The following HDAC9 variants were observed in gnomAD, a reference collection of about 807,000 sequenced individuals.
The protein encoded by HDAC9 is histone deacetylase 9, also known as MEF-2 interacting transcription repressor (MITR) protein.
Under a neutral mutation model 139.4 loss-of-function variants are expected in HDAC9, and 41 were observed. The observed-to-expected ratio is 0.29, with a 90% CI of 0.23 to 0.38. HDAC9 has a LOEUF of 0.38. Among genes scored for constraint, HDAC9 ranks in the 10% least tolerant of loss-of-function variants. The probability of loss-of-function intolerance (pLI) is 1.00; values close to 1 mark genes in which losing one functional copy is unlikely to be tolerated. For synonymous variants in HDAC9, 517 were observed against 476.2 expected (o/e 1.09, Z -1.12); for missense variants, 1,147 against 1,297.0 (o/e 0.88, Z 1.78).
chr7:18,778,195 GA>G (rs1442855653), intron 16 of HDAC9, among the ~76,000 whole-genome samples: 3 of 151,706 alleles, frequency 2.0e-5, no homozygotes, highest in East Asian at 1.9e-4. Flanking sequence ...CTAGCCGTAA[GA>G]AAAAAACAAT....
At chr7:18,979,718 T>C (rs1328310450) in intron 25 of HDAC9, among the ~76,000 whole-genome samples, 2 of 152,028 alleles carry the variant, frequency 1.3e-5, no homozygotes, top group African/African-American at 4.8e-5. Context: ...AGGAAGGTGA[T>C]TGGGGAGCGG....
At chr7:18,507,490 G>C (rs1386301261) in intron 2 of HDAC9, among the ~76,000 whole-genome samples, 1 of 150,886 alleles carries the variant, frequency 6.6e-6, no homozygotes, top group Non-Finnish European at 1.5e-5. Context: ...ACCGCACCCG[G>C]CTATTATTAT....
At chr7:18,972,384 T>C (rs11767937) in intron 24 of HDAC9, among the ~76,000 whole-genome samples, 3 of 142,634 alleles carry the variant, frequency 2.1e-5, no homozygotes, top group African/African-American at 7.7e-5. Flanking sequence ...TTTTTTTTTT[T>C]TTTTTTTTTT....
intron 25 of HDAC9, among the ~76,000 whole-genome samples, chr7:18,981,113 C>G (rs147992920): frequency 6.6e-6 from 1 of 152,018 alleles, no homozygotes; most frequent in African/African-American, 2.4e-5. Context: ...TGTGAGCCAC[C>G]GTGCCCGGCC....
At chr7:18,602,735 A>G (rs946920625) in intron 6 of HDAC9, among the ~76,000 whole-genome samples, 10 of 151,946 alleles carry the variant, frequency 6.6e-5, no homozygotes, top group African/African-American at 1.9e-4. Context: ...TTTAATTTCT[A>G]ATTACTTGAG....
At position 18,329,555 on chromosome 7, in the gene HDAC9, C is replaced by CA. The variant is rs58319995; in HGVS notation, c.-42+39054dup. On this transcript the variant is annotated intron_variant, in intron 1 of 3. Transcript: ENST00000413509. ...GTAAACAAAAGAAATGTCATCTCTC[C>CA]AAAAAAAAAAAAAACAGTGAATGGA... Among the ~76,000 whole-genome samples the CA allele has an allele frequency of 6.5e-3, 755 of 115,322 alleles. 4 individuals carry two copies. Among genetic ancestry groups the CA allele is most frequent in the Middle Eastern group, 0.014 (3 of 208 alleles). 75.7% of individuals were successfully genotyped at this position (115,322 alleles called of 152,430 possible).
intron 2 of HDAC9, among the ~76,000 whole-genome samples, chr7:18,178,655 C>T (rs1178344): frequency 1.3e-5 from 2 of 151,892 alleles, no homozygotes; most frequent in Non-Finnish European, 2.9e-5. Flanking sequence ...GAAAGAGTGA[C>T]ATGATTTTTA....
intron 22 of HDAC9, among the ~76,000 whole-genome samples, chr7:18,928,240 A>G (rs1018807686): frequency 1.2e-4 from 18 of 152,218 alleles, no homozygotes; most frequent in African/African-American, 3.1e-4. Context: ...CAATTTTGTA[A>G]TAGAAACAGA....
At chr7:18,574,964 C>A (rs78530382) in intron 2 of HDAC9, among the ~76,000 whole-genome samples, 33,669 of 152,182 alleles carry the variant, frequency 0.22, 4,532 homozygotes, top group East Asian at 0.3. Context: ...CCCCTCAACT[C>A]GAAAGCGGGT....
chr7:18,601,521 A>T (rs1338300568), intron 6 of HDAC9, among the ~76,000 whole-genome samples: 1 of 151,934 alleles, frequency 6.6e-6, no homozygotes, highest in Non-Finnish European at 1.5e-5. Flanking sequence ...TGAGATGTCG[A>T]GCAGGAGAAG....
chr7:18,208,669 C>G (rs750309921), intron 2 of HDAC9, among the ~76,000 whole-genome samples: 2 of 152,066 alleles, frequency 1.3e-5, no homozygotes, highest in Non-Finnish European at 2.9e-5. Context: ...AGCCACTGCA[C>G]CCGGCCTGTA....
chr7:18,343,085 G>A (rs1782136778), intron 1 of HDAC9, among the ~76,000 whole-genome samples: 2 of 151,490 alleles, frequency 1.3e-5, no homozygotes, highest in African/African-American at 2.4e-5. Flanking sequence ...GGATCCTCTC[G>A]GTACCCTCCT....
chr7:18,681,853 T>C (rs1330875222), intron 12 of HDAC9, among the ~76,000 whole-genome samples: 1 of 152,030 alleles, frequency 6.6e-6, no homozygotes, highest in Non-Finnish European at 1.5e-5. Flanking sequence ...GAGTAACCCA[T>C]AGGACCTATA....
chr7:18,851,051 A>T (rs2129223686), intron 21 of HDAC9, among the ~76,000 whole-genome samples: 1 of 152,346 alleles, frequency 6.6e-6, no homozygotes, highest in Non-Finnish European at 1.5e-5. Flanking sequence ...TGCCAAGACA[A>T]ACATGAGTGG....
intron 1 of HDAC9, among the ~76,000 whole-genome samples, chr7:18,482,276 G>A (rs1001707541): frequency 6.7e-6 from 1 of 150,144 alleles, no homozygotes; most frequent in Admixed American, 6.7e-5. Context: ...GAGCATAGTG[G>A]TGTGTACCTG....
chr7:18,459,031 C>G, intron 1 of HDAC9: 1 of 671,372 alleles, frequency 1.5e-6, no homozygotes, highest in Non-Finnish European at 2.6e-6. Context: ...ATGCTTGACC[C>G]AGTTTTGCCA....
At chr7:18,525,398 A>G (rs570997209) in intron 2 of HDAC9, among the ~76,000 whole-genome samples, 2 of 152,216 alleles carry the variant, frequency 1.3e-5, no homozygotes, top group African/African-American at 4.8e-5. Flanking sequence ...TTTCTTAATC[A>G]TTTTGGTGAT....
chr7:18,334,066 G>A (rs994285345), intron 1 of HDAC9, among the ~76,000 whole-genome samples: 2 of 151,116 alleles, frequency 1.3e-5, no homozygotes, highest in Non-Finnish European at 3.0e-5. Flanking sequence ...TATCATTTGA[G>A]GATTACTTCT....
At chr7:18,617,208 C>G (rs190870480) in intron 6 of HDAC9, among the ~76,000 whole-genome samples, 1 of 152,146 alleles carries the variant, frequency 6.6e-6, no homozygotes, top group Non-Finnish European at 1.5e-5. Flanking sequence ...CCAGTCAATC[C>G]TTTGACTTTC....
Sources: allele counts gnomAD v4.1 joint callset (sites outside exome capture counted in the v4.1 genomes callset), GRCh38; gene constraint gnomAD v4.1.1; transcripts MANE v1.5; gene names NCBI Gene and HGNC (gene_info 2026-07-23, HGNC 2026-07-21).